Variants in CNTN5 observed in about 807,000 individuals in gnomAD.
The protein encoded by CNTN5 is contactin 5.
A neutral mutation model predicts 129.1 loss-of-function variants in CNTN5; 77 were observed. The ratio of observed to expected loss-of-function variants is 0.60; its 90% CI spans 0.50 to 0.72. The LOEUF (loss-of-function observed/expected upper bound fraction) is 0.72, where lower values mean the gene tolerates loss of function less well. Among genes scored for constraint, CNTN5 ranks in the 30% least tolerant of loss-of-function variants. The pLI, the probability that CNTN5 is intolerant of heterozygous loss-of-function variation, is 0.00. For missense variants in CNTN5, 1,478 were observed against 1,328.8 expected, an observed-to-expected ratio of 1.11 and a Z score of -1.75; for synonymous variants, 509 against 465.6, an observed-to-expected ratio of 1.09 and a Z score of -1.20.
intron 3 of CNTN5, among the ~76,000 whole-genome samples, chr11:99,573,536 C>T (rs975832475): frequency 6.6e-6 from 1 of 151,752 alleles, no homozygotes; most frequent in Admixed American, 6.6e-5. Flanking sequence ...CGCCACTGCA[C>T]TCCAGCCTGG....
intron 8 of CNTN5, among the ~76,000 whole-genome samples, chr11:99,993,150 C>G (rs1390196264): frequency 1.1e-4 from 16 of 152,076 alleles, no homozygotes; most frequent in Admixed American, 1.0e-3. Flanking sequence ...CTAAAACTTG[C>G]AACTGAAATA....
chr11:99,051,728 A>G (rs1351501755), intron 1 of CNTN5, among the ~76,000 whole-genome samples: 2 of 151,894 alleles, frequency 1.3e-5, no homozygotes, highest in Non-Finnish European at 2.9e-5. Context: ...GGTATCAGTC[A>G]ATCCATCCGT....
At chr11:99,694,168 CTGAAGCCAATACGGCTCA>C (rs2134810490) in intron 3 of CNTN5, among the ~76,000 whole-genome samples, 1 of 152,190 alleles carries the variant, frequency 6.6e-6, no homozygotes, top group African/African-American at 2.4e-5. Flanking sequence ...CAATACGGCT[CTGAAGCCAATACGGCTCA>C]TGAAGCCAAA....
intron 13 of CNTN5, among the ~76,000 whole-genome samples, chr11:100,074,915 CAATCTATTTGTACCA>C: frequency 6.6e-6 from 1 of 152,214 alleles, no homozygotes; most frequent in African/African-American, 2.4e-5. Flanking sequence ...CATCACATGG[CAATCTATTTGTACCA>C]AATTCAAATG....
At chr11:99,728,008 C>G (rs754052216) in intron 3 of CNTN5, among the ~76,000 whole-genome samples, 17 of 152,094 alleles carry the variant, frequency 1.1e-4, no homozygotes, top group Non-Finnish European at 1.2e-4. Flanking sequence ...TCGTCTCTGA[C>G]AATCAACTAA....
chr11:99,113,962 A>G (rs1315126579), intron 1 of CNTN5, among the ~76,000 whole-genome samples: 1 of 152,176 alleles, frequency 6.6e-6, no homozygotes, highest in Non-Finnish European at 1.5e-5. Context: ...ATCCCACAGC[A>G]CTTGGTGCAT....
At chr11:99,180,581 A>T (rs1020939921) in intron 1 of CNTN5, among the ~76,000 whole-genome samples, 2 of 152,194 alleles carry the variant, frequency 1.3e-5, no homozygotes, top group Admixed American at 6.5e-5. Context: ...ACAGTGCTGG[A>T]TGAATGCCTC....
chr11:99,847,538 C>A (rs1049472445), intron 6 of CNTN5, among the ~76,000 whole-genome samples: 3 of 152,250 alleles, frequency 2.0e-5, no homozygotes, highest in African/African-American at 7.2e-5. Context: ...TGGCTACATA[C>A]GCATAAAAAC....
chr11:99,088,942 T>A (rs144351313), intron 1 of CNTN5, among the ~76,000 whole-genome samples: 1 of 152,334 alleles, frequency 6.6e-6, no homozygotes, highest in East Asian at 1.9e-4. Flanking sequence ...ATACAGTTAT[T>A]AGTCTCTTCA....
At chr11:99,101,100 A>T (rs1866711657) in intron 1 of CNTN5, among the ~76,000 whole-genome samples, 1 of 152,206 alleles carries the variant, frequency 6.6e-6, no homozygotes, top group South Asian at 2.1e-4. Context: ...ACATGGTGGC[A>T]GGCAAGAGAG....
At chr11:100,148,963 A>G (rs551157829) in intron 13 of CNTN5, among the ~76,000 whole-genome samples, 1 of 152,216 alleles carries the variant, frequency 6.6e-6, no homozygotes, top group South Asian at 2.1e-4. Context: ...CTTGATGAAC[A>G]TATTAGTCGA....
intron 3 of CNTN5, among the ~76,000 whole-genome samples, chr11:99,780,176 T>A (rs765104352): frequency 6.6e-6 from 1 of 151,878 alleles, no homozygotes; most frequent in Non-Finnish European, 1.5e-5. Context: ...CCTTCTTAGT[T>A]TTTTTCCCCC....
intron 1 of CNTN5, among the ~76,000 whole-genome samples, chr11:99,174,039 G>A (rs983431210): frequency 5.3e-5 from 8 of 152,012 alleles, no homozygotes; most frequent in South Asian, 4.2e-4. Context: ...ATTCTGTCAC[G>A]CAGGCTGGAG....
chr11:100,082,933 T>G (rs1217163727), intron 13 of CNTN5, among the ~76,000 whole-genome samples: 2 of 151,988 alleles, frequency 1.3e-5, no homozygotes, highest in Non-Finnish European at 2.9e-5. Context: ...GATGCCAGCA[T>G]CTCCTTCAAG....
intron 3 of CNTN5, among the ~76,000 whole-genome samples, chr11:99,696,581 T>G (rs1444921333): frequency 6.6e-6 from 1 of 151,956 alleles, no homozygotes; most frequent in African/African-American, 2.4e-5. Context: ...GCTATGTCAG[T>G]TATGGGATGA....
intron 20 of CNTN5, among the ~76,000 whole-genome samples, chr11:100,304,430 G>C (rs1951299312): frequency 6.6e-6 from 1 of 151,606 alleles, no homozygotes; most frequent in Non-Finnish European, 1.5e-5. Flanking sequence ...AGAGATGCCT[G>C]AATGTGACAT....
At chr11:99,899,512 T>G (rs538121338) in intron 6 of CNTN5, among the ~76,000 whole-genome samples, 1 of 152,212 alleles carries the variant, frequency 6.6e-6, no homozygotes, top group African/African-American at 2.4e-5. Context: ...TATCTGTTTA[T>G]GTGGTGGATC....
chr11:100,114,865 T>C (rs1272016921), intron 13 of CNTN5, among the ~76,000 whole-genome samples: 1 of 151,984 alleles, frequency 6.6e-6, no homozygotes, highest in Non-Finnish European at 1.5e-5. Flanking sequence ...TTTAATACTC[T>C]CAAATGTTTT....
chr11:99,525,025 T>C (rs1430188186), intron 2 of CNTN5, among the ~76,000 whole-genome samples: 1 of 152,072 alleles, frequency 6.6e-6, no homozygotes, highest in Non-Finnish European at 1.5e-5. Flanking sequence ...AGAGCAAACA[T>C]GAAAGAACTA....
Sources: allele counts gnomAD v4.1 joint callset (sites outside exome capture counted in the v4.1 genomes callset), GRCh38; gene constraint gnomAD v4.1.1; transcripts MANE v1.5; gene names NCBI Gene and HGNC (gene_info 2026-07-23, HGNC 2026-07-21).